The following SERINC2 variants were observed in gnomAD, a reference collection of about 807,000 sequenced individuals.
The protein encoded by SERINC2 is tumor differentially expressed protein 2.
A neutral mutation model predicts 54.2 loss-of-function variants in SERINC2; 56 were observed. The ratio of observed to expected loss-of-function variants is 1.03; its 90% CI spans 0.83 to 1.29. The LOEUF (loss-of-function observed/expected upper bound fraction) is 1.29. SERINC2 is among the 50% of genes most tolerant of loss of function. The pLI is 0.00. For missense variants in SERINC2, 614 were observed against 607.4 expected (o/e 1.01, Z -0.12); for synonymous variants, 272 against 253.1 (o/e 1.07, Z -0.71).
At chr1:31,424,993 A>T (rs1640999852) in intron 3 of SERINC2, 120 bp downstream of exon 3, 1 of 744,032 alleles carries the variant, frequency 1.3e-6, no homozygotes. Flanking sequence ...AGGGCACAGC[A>T]TGGAGAACAG....
chr1:31,411,493 C>T (rs1038207771), upstream of SERINC2, among the ~76,000 whole-genome samples: 3 of 151,920 alleles, frequency 2.0e-5, no homozygotes, highest in Admixed American at 1.3e-4. Flanking sequence ...AATGGTACCA[C>T]GGGGGAAAGT....
upstream of SERINC2, among the ~76,000 whole-genome samples, chr1:31,410,777 T>C (rs143715951): frequency 6.6e-6 from 1 of 152,268 alleles, no homozygotes; most frequent in Non-Finnish European, 1.5e-5. Flanking sequence ...AGAACAAGAA[T>C]CCCAGGGGTT....
intron 5 of SERINC2, 23 bp from the exon 6 acceptor site, chr1:31,426,631 C>T (rs200021374): frequency 6.3e-7 from 1 of 1,582,358 alleles, no homozygotes; most frequent in South Asian, 1.1e-5. Context: ...ACTGCCTACC[C>T]TCTCACTACC....
chr1:31,413,441 G>A lies in SERINC2; in HGVS notation c.39+137G>A. 2.4e-6 allele frequency: 1 copy of A among 408,512 alleles called. No individual in the cohort carries two copies. The allele number at this position is 408,512 out of a possible 1,614,324, so 25.3% of individuals were successfully genotyped here. A position where few individuals can be genotyped will look rare whatever the true frequency, so the allele number is the denominator to read the frequency against. ...GTCTTTCTGGGCCGGTGCCCCGCCT[G>A]CTCGCCCTCCTGGACCTTCACTCGG... On this transcript the variant is annotated intron_variant, in intron 1 of 9. Transcript: ENST00000373709. This position sits in a 1 kb window ranked among gnomAD's most constrained non-coding sequence, Gnocchi z 5.0.
intron 1 of SERINC2, chr1:31,414,013 G>C: frequency 6.6e-7 from 1 of 1,525,890 alleles, no homozygotes; most frequent in African/African-American, 1.4e-5. Flanking sequence ...CGGAGACTGG[G>C]ATGGGAGCGG....
intron 5 of SERINC2, chr1:31,426,142 T>G: frequency 1.9e-6 from 1 of 520,384 alleles, no homozygotes; most frequent in Non-Finnish European, 3.4e-6. Flanking sequence ...TGGAGGGGTC[T>G]TGTTTGGGGG....
rs1557501486 is a variant in SERINC2 at position 31,432,136 on chromosome 1, GAC to G, written c.1014-829_1014-828del. Among the ~76,000 whole-genome samples, 59 of 130,896 alleles carry G rather than the reference GAC, an allele frequency of 4.5e-4. 17 individuals are homozygous for G. Among genetic ancestry groups the G allele is most frequent in the Middle Eastern group, 4.0e-3 (1 of 252 alleles). The allele number at this position is 130,896 out of a possible 152,430, so 85.9% of individuals were successfully genotyped here. On this transcript the variant is annotated intron_variant, in intron 8 of 9. Transcript: ENST00000373709. ...TAGGGTGGTTAGGGTGGATAGGGTG[GAC>G]AGGGTGGACAGGGTGGACAGGGTGG...
At chr1:31,414,342 C>G in intron 1 of SERINC2, 1 of 1,297,268 alleles carries the variant, frequency 7.7e-7, no homozygotes, top group Non-Finnish European at 9.7e-7. Context: ...TCTGGCCCCA[C>G]ACAAAGAGGC....
rs529123811 is a variant in SERINC2 at position 31,426,502 on chromosome 1, G to A, written c.611-152G>A. On this transcript the variant is annotated intron_variant, in intron 5 of 9. Coordinates refer to ENST00000373709, the MANE Select transcript of SERINC2 (RefSeq NM_178865.5). ...CAGGGTGGGGCAATGACTCACAAAG[G>A]TGTTGGTGAAAGGCAGTGACGTCAT... 145 of 597,412 alleles carry A rather than the reference G, an allele frequency of 2.4e-4. 5 individuals are homozygous for A. The South Asian group carries it at 3.4e-3, about 14-fold the overall frequency. 37.0% of individuals were successfully genotyped at this position (597,412 alleles called of 1,614,324 possible).
chr1:31,422,066 A>C (rs1553132783), intron 1 of SERINC2, among the ~76,000 whole-genome samples: 1 of 152,140 alleles, frequency 6.6e-6, no homozygotes, highest in East Asian at 1.9e-4. Context: ...TGGGAGGCTG[A>C]GGTGGGCAGA....
In SERINC2 at chr1:31,424,687, C is replaced by T. The variant is rs782039097; in HGVS notation, c.206C>T (p.Pro69Leu). Residue 69 changes from proline to leucine, a missense_variant, in exon 3 of 10, where the codon CCC becomes CTC. By Grantham distance (98) the Pro-to-Leu change is moderately conservative. Transcript: ENST00000373709. Reference sequence around the variant, plus strand: ...CTGCTCTGTCTGTCTCCACAGCTGCCCTGGGTGTGTGAGGAGGGGGCCGGG... The same window carrying T: ...CTGCTCTGTCTGTCTCCACAGCTGCTCTGGGTGTGTGAGGAGGGGGCCGGG... ...PGVESQLYKL[P>L]WVCEEGAGIP... The T allele has an allele frequency of 1.9e-4, 307 of 1,596,312 alleles. No individual in the cohort carries two copies. Among genetic ancestry groups the T allele is most frequent in the Non-Finnish European group, 2.5e-4 (290 of 1,171,590 alleles).
At position 31,432,137 on chromosome 1, in the gene SERINC2, ACAGGG is replaced by A. The variant is rs1557501490; in HGVS notation, c.1014-829_1014-825del. ...AGGGTGGTTAGGGTGGATAGGGTGG[ACAGGG>A]TGGACAGGGTGGACAGGGTGGATAG... On this transcript the variant is annotated intron_variant, in intron 8 of 9. Transcript: ENST00000373709. Among the ~76,000 whole-genome samples, 59 of 110,094 alleles carry A rather than the reference ACAGGG, an allele frequency of 5.4e-4. 11 individuals are homozygous for A. Among genetic ancestry groups the A allele is most frequent in the East Asian group, 1.3e-3 (4 of 3,014 alleles). 72.2% of individuals were successfully genotyped at this position (110,094 alleles called of 152,430 possible).
At position 31,432,238 on chromosome 1, in the gene SERINC2, C is replaced by G. The variant is rs147409205; in HGVS notation, c.1014-729C>G. On this transcript the variant is annotated intron_variant, in intron 8 of 9. Transcript: ENST00000373709. Reference sequence around the variant, plus strand: ...GGTGGAGAGGGTGGATAGGGACCCACTGACTCACAGCAAGGGGTGATTTCT... The same window carrying G: ...GGTGGAGAGGGTGGATAGGGACCCAGTGACTCACAGCAAGGGGTGATTTCT... Among the ~76,000 whole-genome samples the G allele has an allele frequency of 2.0e-3, 248 of 122,676 alleles. 3 individuals are homozygous for G. Among genetic ancestry groups the G allele is most frequent in the African/African-American group, 6.5e-3 (237 of 36,306 alleles). 80.5% of individuals were successfully genotyped at this position (122,676 alleles called of 152,430 possible).
At chr1:31,432,037 G>A (rs1641266040) in intron 8 of SERINC2, among the ~76,000 whole-genome samples, 1 of 131,396 alleles carries the variant, frequency 7.6e-6, no homozygotes, top group Non-Finnish European at 1.6e-5. Context: ...GGACAGGGTG[G>A]ACAGGGTGGA....
upstream of SERINC2, among the ~76,000 whole-genome samples, chr1:31,412,328 C>T (rs1389430805): frequency 6.6e-6 from 1 of 152,174 alleles, no homozygotes; most frequent in African/African-American, 2.4e-5. Flanking sequence ...GTGGCCGCCC[C>T]TCCCCACCTT....
At chr1:31,431,858 A>ATAGGGTGGATAGGGTGGATAGGGTGGT (rs1641235469) in intron 8 of SERINC2, among the ~76,000 whole-genome samples, 1 of 133,526 alleles carries the variant, frequency 7.5e-6, no homozygotes, top group Non-Finnish European at 1.6e-5. Flanking sequence ...GATAGGGTGG[A>ATAGGGTGGATAGGGTGGATAGGGTGGT]TAGGGTGGAT....
chr1:31,433,165 G>T lies in SERINC2; in HGVS notation c.1212G>T (p.Met404Ile). 1 of 1,613,696 alleles carries T rather than the reference G, an allele frequency of 6.2e-7. No individual in the cohort carries two copies. Among genetic ancestry groups the T allele is most frequent in the Non-Finnish European group, 8.5e-7 (1 of 1,179,964 alleles). The change falls in exon 9 of 10, where the codon ATG becomes ATT. Residue 404 changes from methionine (M) to isoleucine (I), a missense_variant. Physicochemically the swap from Met to Ile is conservative, Grantham distance 10. Transcript: ENST00000373709. ...CLVLASLHVM[M>I]TLTNWYKPGE... The stretch of plus-strand genomic sequence containing the variant: ...TGCTGGCCTCACTGCACGTCATGAT[G>T]ACGCTCACCAACTGGTACAAGTGCG...
Position 31,414,064 on chromosome 1 carries a change from G to A in SERINC2, c.39+760G>A, listed in dbSNP as rs1272766506. ...TTCTTAGCTGCCCTCGAGTGAGGCG[G>A]GTGCGGGTCGTCACGGACCACCGGG... is the stretch of plus-strand genomic sequence containing the variant. On this transcript the variant is annotated intron_variant, in intron 1 of 9. Transcript: ENST00000373709. 5 of 1,497,520 alleles carry A rather than the reference G, an allele frequency of 3.3e-6. No homozygotes were observed. The African/African-American group carries it at 5.6e-5, about 17-fold the overall frequency. The allele number at this position is 1,497,520 out of a possible 1,614,324, so 92.8% of individuals were successfully genotyped here. A position where few individuals can be genotyped will look rare whatever the true frequency, so the allele number is the denominator to read the frequency against.
intron 7 of SERINC2, 77 bp from the exon 8 acceptor site, chr1:31,429,320 T>C: frequency 6.6e-7 from 1 of 1,523,004 alleles, no homozygotes; most frequent in Non-Finnish European, 8.9e-7. Flanking sequence ...GGGGTGGCTC[T>C]CTAGCCATCC....
Sources: gnomAD v4.1 joint callset for allele counts (sites outside exome capture counted in the v4.1 genomes callset) on GRCh38, gnomAD v4.1.1 for gene constraint, Gnocchi (gnomAD v3.1) non-coding constraint, MANE v1.5 for transcripts, NCBI Gene and HGNC (gene_info 2026-07-23, HGNC 2026-07-21) for gene names.